KCNH5: variants seen among roughly 807,000 people sequenced by gnomAD.
KCNH5 encodes the protein potassium voltage-gated channel subfamily H member 5.
Under a neutral mutation model 96.1 loss-of-function variants are expected in KCNH5, and 46 were observed. The observed-to-expected ratio is 0.48, with a 90% CI of 0.38 to 0.61. The LOEUF is 0.61. Among genes scored for constraint, KCNH5 ranks in the 20% least tolerant of loss-of-function variants. The pLI is 0.00. For missense variants in KCNH5, 907 were observed against 1,225.8 expected (o/e 0.74, Z 3.88); for synonymous variants, 439 against 449.8 (o/e 0.98, Z 0.30).
In KCNH5 at chr14:62,781,961, C is replaced by G. The variant is rs547308345; in HGVS notation, c.1823-2037G>C. Among the ~76,000 whole-genome samples the G allele has an allele frequency of 1.7e-4, 26 of 152,262 alleles. No individual in the cohort carries two copies. In the East Asian group the frequency reaches 4.6e-3, roughly 27 times the overall value. ...CTTTACAACTTATGCTTAGAGATTG[C>G]AGTAAAGACAGGAATAAGAAATTAT... is the stretch of plus-strand genomic sequence containing the variant. On this transcript the variant is annotated intron_variant, in intron 9 of 10. Transcript: ENST00000322893.
rs1445717838 is a variant in KCNH5, at chr14:62,701,630, G to C, written c.*5878C>G. On this transcript the variant is annotated 3_prime_UTR_variant, in exon 11 of 11. Transcript: ENST00000322893. The stretch of plus-strand genomic sequence containing the variant: ...CCTTTCTATGATTACCTCTGGCTCA[G>C]TTATTAGCCAAGTGAAAACAAGATG... The C allele has an allele frequency of 4.6e-5, 7 of 152,112 alleles. No individual in the cohort carries two copies. Among genetic ancestry groups the C allele is most frequent in the African/African-American group, 1.7e-4 (7 of 41,450 alleles). The allele number at this position is 152,112 out of a possible 1,614,324, so 9.4% of individuals were successfully genotyped here.
chr14:62,780,410 C>G (rs1205223697), intron 9 of KCNH5, among the ~76,000 whole-genome samples: 1 of 152,090 alleles, frequency 6.6e-6, no homozygotes, highest in Non-Finnish European at 1.5e-5. Flanking sequence ...CCAATTAAAA[C>G]TTGCCACAAC....
In KCNH5 at chr14:62,813,407, G is replaced by T. The variant is rs1886910834; in HGVS notation, c.1570-10826C>A. 5.3e-5 allele frequency among the ~76,000 whole-genome samples: 8 copies of T among 152,150 alleles called. No individual in the cohort carries two copies. In the South Asian group the frequency reaches 1.7e-3, roughly 32 times the overall value. On this transcript the variant is annotated intron_variant, in intron 8 of 10. Transcript: ENST00000322893. ...ATAACAAATTTCTAATGTGCAAATG[G>T]GGATAATGAGGATAATTTCACTTTA...
chr14:62,798,122 C>G (rs552837513), intron 9 of KCNH5, among the ~76,000 whole-genome samples: 1 of 152,084 alleles, frequency 6.6e-6, no homozygotes, highest in Non-Finnish European at 1.5e-5. Context: ...TTCCTGGCCT[C>G]GTTTATGCTT....
chr14:62,945,469 A>T (rs1232907583), intron 7 of KCNH5, among the ~76,000 whole-genome samples: 9 of 152,186 alleles, frequency 5.9e-5, no homozygotes, highest in African/African-American at 2.2e-4. Context: ...CTTCAATTTC[A>T]TTCATTCATA....
chr14:62,756,160 GCAAA>G (rs556743286), intron 10 of KCNH5, among the ~76,000 whole-genome samples: 67 of 151,956 alleles, frequency 4.4e-4, no homozygotes, highest in African/African-American at 1.5e-3. Flanking sequence ...TATGCCAACG[GCAAA>G]CAATCTGAAA....
At chr14:62,833,367 C>T (rs1887397836) in intron 8 of KCNH5, among the ~76,000 whole-genome samples, 1 of 151,878 alleles carries the variant, frequency 6.6e-6, no homozygotes, top group Non-Finnish European at 1.5e-5. Flanking sequence ...GGATATCCAG[C>T]TTTCCCAATA....
intron 8 of KCNH5, among the ~76,000 whole-genome samples, chr14:62,803,252 T>C (rs1008939222): frequency 3.3e-5 from 5 of 152,222 alleles, no homozygotes; most frequent in Non-Finnish European, 5.9e-5. Flanking sequence ...TGAACATTCA[T>C]TTTAATCTAG....
At chr14:62,790,910 C>A (rs1886420611) in intron 9 of KCNH5, among the ~76,000 whole-genome samples, 1 of 151,754 alleles carries the variant, frequency 6.6e-6, no homozygotes, top group African/African-American at 2.4e-5. Flanking sequence ...AGAATCATGT[C>A]ATCTACAAAC....
At chr14:62,875,556 T>A (rs989332506) in intron 7 of KCNH5, among the ~76,000 whole-genome samples, 11 of 151,596 alleles carry the variant, frequency 7.3e-5, no homozygotes, top group African/African-American at 2.7e-4. Context: ...CAACAGATGC[T>A]GGCGAGGAGA....
In KCNH5 at chr14:63,045,291, G is replaced by T. The variant is rs907495439; in HGVS notation, c.-105C>A. On this transcript the variant is annotated 5_prime_UTR_variant, in exon 1 of 11. Coordinates refer to ENST00000322893, the MANE Select transcript of KCNH5 (RefSeq NM_139318.5). ...AAAAGGTGGAAGAGAAGATTGAGCC[G>T]AAAGAAGAGGGGGCGCGGCGGCGGC... 7 of 923,268 alleles carry T rather than the reference G, an allele frequency of 7.6e-6. No homozygotes were observed. The Admixed American group carries it at 7.7e-5, about 10-fold the overall frequency. The allele number at this position is 923,268 out of a possible 1,614,324, so 57.2% of individuals were successfully genotyped here. A position where few individuals can be genotyped will look rare whatever the true frequency, so the allele number is the denominator to read the frequency against.
chr14:62,786,287 T>C (rs1886319602), intron 9 of KCNH5, among the ~76,000 whole-genome samples: 1 of 152,196 alleles, frequency 6.6e-6, no homozygotes, highest in African/African-American at 2.4e-5. Context: ...AAATATCTTT[T>C]GAATTTTACT....
At chr14:62,758,871 G>A (rs1303831434) in intron 10 of KCNH5, among the ~76,000 whole-genome samples, 4 of 152,208 alleles carry the variant, frequency 2.6e-5, no homozygotes, top group Admixed American at 6.5e-5. Flanking sequence ...GGAAGACACT[G>A]CTTGAGGAGG....
In KCNH5 at chr14:62,908,782, A is replaced by ATTTTTTTTTTTT. The variant is rs71120241; in HGVS notation, c.1369+41339_1369+41350dup. Among the ~76,000 whole-genome samples the ATTTTTTTTTTTT allele has an allele frequency of 1.7e-3, 40 of 23,726 alleles. 4 individuals are homozygous for ATTTTTTTTTTTT. Among genetic ancestry groups the ATTTTTTTTTTTT allele is most frequent in the East Asian group, 8.4e-3 (5 of 596 alleles). 15.6% of individuals were successfully genotyped at this position (23,726 alleles called of 152,430 possible). On this transcript the variant is annotated intron_variant, in intron 7 of 10. Transcript: ENST00000322893. ...TTGCCCTTTGTTGATTTTGCTTTGTATTTTTTTTTTTTTTTTTTTTTTTTT... is the reference window on the plus strand; with the variant it reads ...TTGCCCTTTGTTGATTTTGCTTTGTATTTTTTTTTTTTTTTTTTTTTTTTTTTTTTTTTTTTT...
intron 7 of KCNH5, among the ~76,000 whole-genome samples, chr14:62,937,953 C>T (rs371069925): frequency 1.3e-5 from 2 of 152,176 alleles, no homozygotes; most frequent in South Asian, 2.1e-4. Flanking sequence ...TCTAAGGAAA[C>T]CAACAGGAAA....
At chr14:62,709,318 T>A (rs1274743603) in intron 10 of KCNH5, among the ~76,000 whole-genome samples, 1 of 151,368 alleles carries the variant, frequency 6.6e-6, no homozygotes, top group Non-Finnish European at 1.5e-5. Flanking sequence ...TACTGAAAAC[T>A]TACACAGTTT....
At chr14:62,959,207 A>G (rs1387326276) in intron 6 of KCNH5, among the ~76,000 whole-genome samples, 1 of 152,158 alleles carries the variant, frequency 6.6e-6, no homozygotes, top group East Asian at 1.9e-4. Context: ...ACTCGGCTAG[A>G]GTAATTATTA....
At chr14:62,987,731 C>T (rs983954329) in intron 4 of KCNH5, among the ~76,000 whole-genome samples, 9 of 152,124 alleles carry the variant, frequency 5.9e-5, no homozygotes, top group Non-Finnish European at 1.0e-4. Context: ...TGCCATATGC[C>T]AGCCAGGATC....
At chr14:63,004,320 A>T (rs1378410017) in intron 3 of KCNH5, among the ~76,000 whole-genome samples, 1 of 152,218 alleles carries the variant, frequency 6.6e-6, no homozygotes, top group African/African-American at 2.4e-5. Flanking sequence ...ACTAAAGAGG[A>T]AAACAAAAGC....
Sources: gnomAD v4.1 joint callset for allele counts (sites outside exome capture counted in the v4.1 genomes callset) on GRCh38, gnomAD v4.1.1 for gene constraint, MANE v1.5 for transcripts, NCBI Gene and HGNC (gene_info 2026-07-23, HGNC 2026-07-21) for gene names.